ALKBH3: variants seen among roughly 807,000 people sequenced by gnomAD.
ALKBH3 encodes the protein alpha-ketoglutarate-dependent dioxygenase alkB homolog 3.
Under a neutral mutation model 43.9 loss-of-function variants are expected in ALKBH3, and 51 were observed. The ratio of observed to expected loss-of-function variants is 1.16; its 90% CI spans 0.93 to 1.47. The LOEUF (loss-of-function observed/expected upper bound fraction) is 1.47, where lower values mean the gene tolerates loss of function less well. Among genes scored for constraint, ALKBH3 ranks in the 40% most tolerant of loss-of-function variants. ALKBH3 has a pLI of 0.00. For synonymous variants in ALKBH3, 102 were observed against 115.2 expected, an observed-to-expected ratio of 0.89 and a Z score of 0.73; for missense variants, 361 against 351.9, an observed-to-expected ratio of 1.03 and a Z score of -0.21.
At chr11:43,919,831 G>A in intron 9 of ALKBH3, 87 bp from the exon 10 acceptor site, 1 of 1,198,062 alleles carries the variant, frequency 8.3e-7, no homozygotes, top group South Asian at 1.3e-5. Context: ...AAATATTTCT[G>A]CATTCTCATG....
chr11:43,901,781 G>A (rs1260675448), intron 8 of ALKBH3, 56 bp downstream of exon 8: 5 of 1,581,488 alleles, frequency 3.2e-6, no homozygotes, highest in Non-Finnish European at 1.7e-6. Flanking sequence ...TGTGGAAAAA[G>A]TAGAACTCCT....
rs1951886348 is a variant in ALKBH3, at chr11:43,905,007, C to T, written c.669+3282C>T. On this transcript the variant is annotated intron_variant, in intron 8 of 9. Transcript: ENST00000302708. Reference sequence around the variant, plus strand: ...CAAACTCCTATTAGCTTTGACCCATCGGAGGAGAAGTTAATGCCTATTTGA... The same window carrying T: ...CAAACTCCTATTAGCTTTGACCCATTGGAGGAGAAGTTAATGCCTATTTGA... 2.6e-5 allele frequency among the ~76,000 whole-genome samples: 4 copies of T among 152,094 alleles called. No individual in the cohort carries two copies. The East Asian group carries it at 5.8e-4, about 22-fold the overall frequency.
At chr11:43,909,717 T>G (rs1951922824) in intron 8 of ALKBH3, 1 of 152,218 alleles carries the variant, frequency 6.6e-6, no homozygotes, top group Non-Finnish European at 1.5e-5. Flanking sequence ...ACCTCCACCC[T>G]CTGTCTGATC....
intron 8 of ALKBH3, among the ~76,000 whole-genome samples, chr11:43,915,637 A>C (rs1217142669): frequency 7.4e-6 from 1 of 135,440 alleles, no homozygotes; most frequent in Non-Finnish European, 1.6e-5. Flanking sequence ...ACAGGTGGTC[A>C]AAAGGTATTT....
chr11:43,893,888 A>G (rs937265214), intron 7 of ALKBH3, among the ~76,000 whole-genome samples: 3 of 152,120 alleles, frequency 2.0e-5, no homozygotes, highest in Non-Finnish European at 2.9e-5. Flanking sequence ...ATTTATGTTC[A>G]TTTTAAATTT....
intron 4 of ALKBH3, among the ~76,000 whole-genome samples, chr11:43,884,923 T>C (rs991731470): frequency 1.2e-4 from 18 of 151,896 alleles, no homozygotes; most frequent in African/African-American, 4.4e-4. Context: ...TGCTCCTTTT[T>C]TAAAAAATTT....
chr11:43,904,383 G>A (rs751383258), intron 8 of ALKBH3, among the ~76,000 whole-genome samples: 1 of 152,216 alleles, frequency 6.6e-6, no homozygotes, highest in Non-Finnish European at 1.5e-5. Context: ...TCTTAACTAT[G>A]ATTGAATTTC....
At chr11:43,898,149 T>A (rs1781262199) in intron 7 of ALKBH3, 2 of 1,210,620 alleles carry the variant, frequency 1.7e-6, no homozygotes, top group Non-Finnish European at 2.5e-6. Flanking sequence ...ACAAACTAGA[T>A]GCTGACTACA....
At position 43,900,220 on chromosome 11, in the gene ALKBH3, T is replaced by A. The variant is rs1359983708; in HGVS notation, c.460-1296T>A. The stretch of plus-strand genomic sequence containing the variant: ...ATTTTTTTTATTTTAATTTAATTTT[T>A]TTTTTTTTTTTTTTTTTTTTTGCGA... On this transcript the variant is annotated intron_variant, in intron 7 of 9. Coordinates refer to ENST00000302708, the MANE Select transcript of ALKBH3 (RefSeq NM_139178.4). Among the ~76,000 whole-genome samples, 8 of 125,686 alleles carry A rather than the reference T, an allele frequency of 6.4e-5. No individual in the cohort carries two copies. In the South Asian group the frequency reaches 2.0e-3, roughly 32 times the overall value. The allele number at this position is 125,686 out of a possible 152,430, so 82.5% of individuals were successfully genotyped here.
chr11:43,919,073 GAA>G lies in ALKBH3; in HGVS notation c.706_707del (p.Lys236AspfsTer18), dbSNP rs771304986. 1 of 1,613,026 alleles carries G rather than the reference GAA, an allele frequency of 6.2e-7. No homozygotes were observed. Among genetic ancestry groups the G allele is most frequent in the Non-Finnish European group, 8.5e-7 (1 of 1,179,026 alleles). On this transcript the variant is annotated frameshift_variant, in exon 9 of 10. Coordinates refer to ENST00000302708, the MANE Select transcript of ALKBH3 (RefSeq NM_139178.4). LOFTEE classifies it high-confidence loss of function. Reference protein sequence around the residue: ...NGDYTYVERVKIPLDHGTLLI... With the variant: ...NGDYTYVERVXIPLDHGTLLI... ...GAGACTACACATATGTGGAAAGAGT[GAA>G]GATACCCTTGGATCATGGGACCTTG...
intron 7 of ALKBH3, chr11:43,899,378 G>A (rs1951844168): frequency 7.1e-6 from 5 of 702,098 alleles, no homozygotes; most frequent in Non-Finnish European, 1.3e-5. Flanking sequence ...GGTGGATGAT[G>A]TGCTCGCGTC....
chr11:43,882,111 G>A lies in ALKBH3; in HGVS notation c.-70-472G>A, dbSNP rs1423592322. On this transcript the variant is annotated intron_variant, in intron 1 of 9. Coordinates refer to ENST00000302708, the MANE Select transcript of ALKBH3 (RefSeq NM_139178.4). Reference sequence around the variant, plus strand: ...CTGCTTGTTATAAAGACAAATACCTGTATCCATCCTAAATCAGATTTTCTG... The same window carrying A: ...CTGCTTGTTATAAAGACAAATACCTATATCCATCCTAAATCAGATTTTCTG... 5.3e-5 allele frequency among the ~76,000 whole-genome samples: 8 copies of A among 152,086 alleles called. No individual in the cohort carries two copies. The East Asian group carries it at 1.5e-3, about 29-fold the overall frequency.
At chr11:43,896,043 T>C (rs1287553980) in intron 7 of ALKBH3, among the ~76,000 whole-genome samples, 1 of 152,206 alleles carries the variant, frequency 6.6e-6, no homozygotes, top group African/African-American at 2.4e-5. Context: ...TGGATTGTTT[T>C]TGCTTAAAAT....
intron 8 of ALKBH3, among the ~76,000 whole-genome samples, chr11:43,905,734 G>T (rs1951891812): frequency 6.6e-6 from 1 of 152,102 alleles, no homozygotes; most frequent in African/African-American, 2.4e-5. Flanking sequence ...ATTCTATCAG[G>T]CTGGCATTAT....
chr11:43,901,191 T>C (rs781359604), intron 7 of ALKBH3, among the ~76,000 whole-genome samples: 1 of 152,192 alleles, frequency 6.6e-6, no homozygotes, highest in Non-Finnish European at 1.5e-5. Context: ...GCCCTGAAGA[T>C]ACTGATGAAA....
intron 7 of ALKBH3, among the ~76,000 whole-genome samples, chr11:43,900,575 A>G (rs1465417760): frequency 6.6e-6 from 1 of 152,122 alleles, no homozygotes; most frequent in African/African-American, 2.4e-5. Flanking sequence ...TTTAGTTTTA[A>G]TTTTAAATAT....
At chr11:43,898,688 T>C (rs887980549) in intron 7 of ALKBH3, 21 of 715,716 alleles carry the variant, frequency 2.9e-5, no homozygotes, top group Non-Finnish European at 1.8e-5. Flanking sequence ...ATCATCGAGG[T>C]GGTGAAGGCC....
At chr11:43,897,449 T>C in intron 7 of ALKBH3, 1 of 738,370 alleles carries the variant, frequency 1.4e-6, no homozygotes, top group Non-Finnish European at 2.5e-6. Flanking sequence ...GCTGTTGTAT[T>C]ACAATCATGG....
intron 2 of ALKBH3, 84 bp downstream of exon 2, chr11:43,882,815 G>A (rs1026973087): frequency 5.1e-6 from 7 of 1,372,680 alleles, no homozygotes; most frequent in South Asian, 2.8e-5. Flanking sequence ...GTTTATAATG[G>A]ACTTCCATTT....
Sources: allele counts gnomAD v4.1 joint callset (sites outside exome capture counted in the v4.1 genomes callset), GRCh38; gene constraint gnomAD v4.1.1; transcripts MANE v1.5; gene names NCBI Gene and HGNC (gene_info 2026-07-23, HGNC 2026-07-21).